The following ZEB2 variants were observed in gnomAD, a reference collection of about 807,000 sequenced individuals.
ZEB2 encodes zinc finger E-box binding homeobox 2.
Under a neutral mutation model 99.9 loss-of-function variants are expected in ZEB2, and 6 were observed. The observed-to-expected ratio is 0.06, with a 90% CI of 0.03 to 0.12. The LOEUF (loss-of-function observed/expected upper bound fraction) is 0.12, where lower values mean the gene tolerates loss of function less well. Among genes scored for constraint, ZEB2 ranks in the 10% least tolerant of loss-of-function variants. ZEB2 has a pLI of 1.00. For synonymous variants in ZEB2, 517 were observed against 542.5 expected, an observed-to-expected ratio of 0.95 and a Z score of 0.65; for missense variants, 969 against 1,502.8, an observed-to-expected ratio of 0.64 and a Z score of 5.87.
chr2:144,436,853 A>G lies in ZEB2; in HGVS notation c.74-6827T>C, dbSNP rs529370252. ...TCCTAAAAACAGATATTGGTCGAAG[A>G]ATTTGTAACAGTAAATTCACTTTCT... On this transcript the variant is annotated intron_variant, in intron 2 of 9. Transcript: ENST00000627532. Among the ~76,000 whole-genome samples the G allele has an allele frequency of 2.6e-4, 39 of 152,304 alleles. No individual in the cohort carries two copies. In the South Asian group the frequency reaches 8.1e-3, roughly 32 times the overall value.
In ZEB2 at chr2:144,387,106, A is replaced by C. The variant is rs1011146417; in HGVS notation, c.*2345T>G. On this transcript the variant is annotated 3_prime_UTR_variant, in exon 10 of 10. Transcript: ENST00000627532. ...ACTTTCTATTGAGTTTCAAGTTGCA[A>C]AGAATGACTTTTGTGAAATTTAGGA... is the stretch of plus-strand genomic sequence containing the variant. The C allele has an allele frequency of 4.0e-5, 6 of 151,038 alleles. No homozygotes were observed. The highest frequency in any genetic ancestry group is 1.5e-4 in the African/African-American group (6 of 41,130). The allele number at this position is 151,038 out of a possible 1,614,324, so 9.4% of individuals were successfully genotyped here. A position where few individuals can be genotyped will look rare whatever the true frequency, so the allele number is the denominator to read the frequency against.
intron 2 of ZEB2, among the ~76,000 whole-genome samples, chr2:144,477,310 T>G (rs1704443562): frequency 6.6e-6 from 1 of 152,226 alleles, no homozygotes; most frequent in African/African-American, 2.4e-5. Flanking sequence ...AACATTTACT[T>G]TCATCTAAAC....
chr2:144,404,915 G>A lies in ZEB2; in HGVS notation c.513C>T (p.Asp171=). 6.2e-7 allele frequency: 1 copy of A among 1,614,228 alleles called. No homozygotes were observed. The highest frequency in any genetic ancestry group is 8.5e-7 in the Non-Finnish European group (1 of 1,180,022). The change falls in exon 5 of 10, where the codon GAC becomes GAT. Residue 171 remains aspartate, a synonymous_variant. Coordinates refer to ENST00000627532, the MANE Select transcript of ZEB2 (RefSeq NM_014795.4). ...GGGCTTCTGGGTAAATAATGGCTGT[G>A]TCACTGCGCTGAAGGTACTCCTCGA... ...VSIEEYLQRS[D]TAIIYPEAPE...
chr2:144,390,488 A>G (rs751204858), intron 9 of ZEB2: 19 of 244,252 alleles, frequency 7.8e-5, no homozygotes, highest in Non-Finnish European at 3.2e-5. Flanking sequence ...ATCATGAGAT[A>G]GTTGCTTTGA....
chr2:144,400,354 C>G (rs1272763589), intron 7 of ZEB2, 84 bp from the exon 8 acceptor site: 1 of 1,489,816 alleles, frequency 6.7e-7, no homozygotes, highest in African/African-American at 1.4e-5. Context: ...ATCTGTGAAA[C>G]CAAACAAAAG....
chr2:144,403,057 G>A (rs190839458), intron 6 of ZEB2, among the ~76,000 whole-genome samples: 2 of 152,336 alleles, frequency 1.3e-5, no homozygotes, highest in Admixed American at 6.5e-5. Context: ...TTCCGGATCT[G>A]TAGGGCCAGT....
In ZEB2 at chr2:144,491,947, T is replaced by C. The variant is rs1704686868; in HGVS notation, c.73+25331A>G. ...GATTTTGAATGTATTTCTGGTATGC[T>C]TAAGCAGAATCAAACAAAGTGTTTT... is the stretch of plus-strand genomic sequence containing the variant. On this transcript the variant is annotated intron_variant, in intron 2 of 9. Coordinates refer to ENST00000627532, the MANE Select transcript of ZEB2 (RefSeq NM_014795.4). 2.6e-5 allele frequency among the ~76,000 whole-genome samples: 4 copies of C among 152,348 alleles called. No homozygotes were observed. The South Asian group carries it at 8.3e-4, about 32-fold the overall frequency.
chr2:144,440,507 ATATATATATTTTTTTTT>A (rs1703895640), intron 2 of ZEB2, among the ~76,000 whole-genome samples: 1 of 14,902 alleles, frequency 6.7e-5, no homozygotes, highest in East Asian at 1.9e-3. Context: ...ATATATATAT[ATATATATATTTTTTTTT>A]TTTTTTTTTT....
intron 2 of ZEB2, among the ~76,000 whole-genome samples, chr2:144,508,067 G>A (rs1202759015): frequency 6.6e-6 from 1 of 152,156 alleles, no homozygotes; most frequent in Non-Finnish European, 1.5e-5. Flanking sequence ...ATTTGAAAAG[G>A]AATACTGCAT....
At chr2:144,397,920 C>A in intron 8 of ZEB2, 1 of 347,264 alleles carries the variant, frequency 2.9e-6, no homozygotes, top group Non-Finnish European at 5.5e-6. Flanking sequence ...GGATTACAGG[C>A]ATGAGCCATC....
intron 2 of ZEB2, among the ~76,000 whole-genome samples, chr2:144,502,114 G>A (rs907014511): frequency 2.6e-5 from 4 of 152,088 alleles, no homozygotes; most frequent in African/African-American, 9.7e-5. Flanking sequence ...GTTTTACCCC[G>A]GAGATTCCAT....
chr2:144,517,530 C>G (rs1316457392), intron 1 of ZEB2, 111 bp from the exon 2 acceptor site: 11 of 738,648 alleles, frequency 1.5e-5, no homozygotes, highest in East Asian at 5.4e-5. Context: ...TCCGCGCCCC[C>G]CAACGCCAAA....
rs561378937 is a variant in ZEB2, at chr2:144,391,433, C to T, written c.3068-1405G>A. On this transcript the variant is annotated intron_variant, in intron 9 of 9. Coordinates refer to ENST00000627532, the MANE Select transcript of ZEB2 (RefSeq NM_014795.4). ...AGTTATATGGGAAATAAAGACAGTT[C>T]TAATAACCTACTTCAAGGTAGCTCA... Among the ~76,000 whole-genome samples, 152 of 152,314 alleles carry T rather than the reference C, an allele frequency of 1.0e-3. 1 individual carries two copies. The highest frequency in any genetic ancestry group is 3.5e-3 in the African/African-American group (147 of 41,576).
rs1045957618 is a variant in ZEB2, at chr2:144,385,811, A to C, written c.*3640T>G. The C allele has an allele frequency of 6.6e-6, 1 of 152,214 alleles. No homozygotes were observed. Among genetic ancestry groups the C allele is most frequent in the Admixed American group, 6.5e-5 (1 of 15,284 alleles). 9.4% of individuals were successfully genotyped at this position (152,214 alleles called of 1,614,324 possible). On this transcript the variant is annotated 3_prime_UTR_variant, in exon 10 of 10. Transcript: ENST00000627532. ...TTTTATTAAGGCTTACATTATTAGAAAGATAAAAAATGACCTTTTTAAAAG... is the reference window on the plus strand; with the variant it reads ...TTTTATTAAGGCTTACATTATTAGACAGATAAAAAATGACCTTTTTAAAAG...
At chr2:144,513,619 G>GGGA (rs1705079210) in intron 2 of ZEB2, 7 of 1,531,762 alleles carry the variant, frequency 4.6e-6, no homozygotes, top group Non-Finnish European at 6.1e-6. Flanking sequence ...TGGCGGGATG[G>GGGA]GGAGGCAGAC....
rs773111873 is a variant in ZEB2, at chr2:144,399,852, G to A, written c.1335C>T (p.Ala445=). The A allele has an allele frequency of 1.9e-6, 3 of 1,613,954 alleles. No homozygotes were observed. The highest frequency in any genetic ancestry group is 1.3e-5 in the African/African-American group (1 of 74,910). The change falls in exon 8 of 10, where the codon GCC becomes GCT. Residue 445 remains alanine (A), a synonymous_variant. Coordinates refer to ENST00000627532, the MANE Select transcript of ZEB2 (RefSeq NM_014795.4). This position sits in a 1 kb window ranked among gnomAD's most constrained non-coding sequence, Gnocchi z 5.6. The part of the protein sequence containing the change: ...PMQHLGVGME[A]PLLGFPTMNS... ...TCATGGTGGGAAACCCAAGTAAAGG[G>A]GCTTCCATCCCTACACCTAAGTGCT...
At chr2:144,478,914 TG>T (rs2149912929) in intron 2 of ZEB2, among the ~76,000 whole-genome samples, 1 of 152,360 alleles carries the variant, frequency 6.6e-6, no homozygotes, top group African/African-American at 2.4e-5. Context: ...AAAACAAGAT[TG>T]AAAAGCTAAA....
rs574939104 is a variant in ZEB2 at position 144,403,745 on chromosome 2, A to G, written c.807+171T>C. Among the ~76,000 whole-genome samples the G allele has an allele frequency of 1.1e-4, 17 of 152,356 alleles. 1 individual carries two copies. In the South Asian group the frequency reaches 3.5e-3, roughly 32 times the overall value. On this transcript the variant is annotated intron_variant, in intron 6 of 9. Coordinates refer to ENST00000627532, the MANE Select transcript of ZEB2 (RefSeq NM_014795.4). ...ATCGTGAACATAAGACTATTAAATC[A>G]TATTAGAAGAGACCATCAAAAAATC...
intron 2 of ZEB2, among the ~76,000 whole-genome samples, chr2:144,498,034 ATATAT>A (rs1704805307): frequency 1.9e-5 from 1 of 53,840 alleles, no homozygotes; most frequent in Non-Finnish European, 3.5e-5. Flanking sequence ...ATTATATAAT[ATATAT>A]TAATATTATA....
Sources: allele counts gnomAD v4.1 joint callset (sites outside exome capture counted in the v4.1 genomes callset), GRCh38; gene constraint gnomAD v4.1.1; non-coding constraint Gnocchi (gnomAD v3.1); transcripts MANE v1.5; gene names NCBI Gene and HGNC (gene_info 2026-07-23, HGNC 2026-07-21).